Variants in UBE2Q2 observed in about 807,000 individuals in gnomAD.
UBE2Q2 encodes the protein ubiquitin-conjugating enzyme E2 Q2.
Under a neutral mutation model 59.9 loss-of-function variants are expected in UBE2Q2, and 54 were observed. The ratio of observed to expected loss-of-function variants is 0.90; its 90% CI spans 0.72 to 1.13. The LOEUF (loss-of-function observed/expected upper bound fraction) is 1.13, where lower values mean the gene tolerates loss of function less well. Among genes scored for constraint, UBE2Q2 ranks in the 50% most tolerant of loss-of-function variants. The pLI is 0.00. For synonymous variants in UBE2Q2, 165 were observed against 155.2 expected, an observed-to-expected ratio of 1.06 and a Z score of -0.47; for missense variants, 433 against 441.9, an observed-to-expected ratio of 0.98 and a Z score of 0.18.
Position 75,890,415 on chromosome 15 carries a change from ACTC to A in UBE2Q2, c.885-17_885-15del. On this transcript the variant is annotated splice_polypyrimidine_tract_variant and intron_variant, in intron 9 of 12. Coordinates refer to ENST00000267938, the MANE Select transcript of UBE2Q2 (RefSeq NM_173469.4). ...GAATAATTCTCGAGAATTTTGTATG[ACTC>A]CTTTTTTCTTTTTAAGGTATGTATT... The A allele has an allele frequency of 8.2e-6, 13 of 1,578,018 alleles. No individual in the cohort carries two copies. Among genetic ancestry groups the A allele is most frequent in the Non-Finnish European group, 1.1e-5 (13 of 1,169,088 alleles).
rs749315015 is a variant in UBE2Q2 at position 75,897,072 on chromosome 15, T to A, written c.1096+11T>A. The stretch of plus-strand genomic sequence containing the variant: ...TACATGAGAAAAATGGTATGTTTAA[T>A]TCAATAAGTGTTTATTGCCATTTAA... On this transcript the variant is annotated intron_variant, in intron 12 of 12. Transcript: ENST00000267938. 2.0e-6 allele frequency: 3 copies of A among 1,510,366 alleles called. No homozygotes were observed. The highest frequency in any genetic ancestry group is 2.7e-6 in the Non-Finnish European group (3 of 1,111,144). The allele number at this position is 1,510,366 out of a possible 1,614,324, so 93.6% of individuals were successfully genotyped here.
intron 1 of UBE2Q2, among the ~76,000 whole-genome samples, chr15:75,851,658 A>G (rs531269697): frequency 6.6e-6 from 1 of 152,158 alleles, no homozygotes; most frequent in African/African-American, 2.4e-5. Context: ...ATGACTGCCA[A>G]AAACCCAAGT....
At chr15:75,877,428 G>A (rs1379196943) in intron 6 of UBE2Q2, among the ~76,000 whole-genome samples, 1 of 151,434 alleles carries the variant, frequency 6.6e-6, no homozygotes, top group Non-Finnish European at 1.5e-5. Flanking sequence ...TTTGAATACT[G>A]GTTTTATTTT....
chr15:75,872,559 TAG>T (rs767659128), intron 4 of UBE2Q2, among the ~76,000 whole-genome samples: 10 of 139,002 alleles, frequency 7.2e-5, no homozygotes, highest in Non-Finnish European at 1.4e-4. Flanking sequence ...TTTTTTGAGA[TAG>T]AGTCTTGCTC....
chr15:75,886,825 T>C (rs920459282), intron 9 of UBE2Q2, among the ~76,000 whole-genome samples: 3 of 151,738 alleles, frequency 2.0e-5, no homozygotes, highest in African/African-American at 4.8e-5. Flanking sequence ...AGGTGGAGGT[T>C]GCAGTCCAGC....
chr15:75,864,607 T>TAAA (rs34148087), intron 3 of UBE2Q2, among the ~76,000 whole-genome samples: 71 of 134,666 alleles, frequency 5.3e-4, no homozygotes, highest in African/African-American at 1.9e-3. Flanking sequence ...CTGTAGATTC[T>TAAA]AAAAAAAAAA....
chr15:75,878,862 T>C (rs1394123), intron 7 of UBE2Q2, among the ~76,000 whole-genome samples: 149,672 of 152,098 alleles, frequency 0.98, 73,683 homozygotes, highest in East Asian at 1. Context: ...TCTGAACTCC[T>C]TTACTAGATT....
rs1172508415 is a variant in UBE2Q2 at position 75,900,356 on chromosome 15, T to A, written c.*898T>A. On this transcript the variant is annotated 3_prime_UTR_variant, in exon 13 of 13. Transcript: ENST00000267938. ...ACAAAAAGATACTTAATTTGGAGACTCTTACAGTAATTTTTGCCATGTCAA... is the reference window on the plus strand; with the variant it reads ...ACAAAAAGATACTTAATTTGGAGACACTTACAGTAATTTTTGCCATGTCAA... 1 of 152,612 alleles carries A rather than the reference T, an allele frequency of 6.6e-6. No homozygotes were observed. Among genetic ancestry groups the A allele is most frequent in the African/African-American group, 2.4e-5 (1 of 41,458 alleles). The allele number at this position is 152,612 out of a possible 1,614,324, so 9.5% of individuals were successfully genotyped here. A position where few individuals can be genotyped will look rare whatever the true frequency, so the allele number is the denominator to read the frequency against.
chr15:75,881,234 C>T (rs1798849404), intron 8 of UBE2Q2, among the ~76,000 whole-genome samples: 1 of 151,494 alleles, frequency 6.6e-6, no homozygotes, highest in African/African-American at 2.4e-5. Context: ...AGAAATAGAA[C>T]CTTTTTTTTT....
At chr15:75,872,201 C>T (rs535602887) in intron 4 of UBE2Q2, among the ~76,000 whole-genome samples, 8 of 151,716 alleles carry the variant, frequency 5.3e-5, no homozygotes, top group East Asian at 1.9e-4. Flanking sequence ...GTACTCCAGC[C>T]GGGGCAACGG....
intron 2 of UBE2Q2, among the ~76,000 whole-genome samples, chr15:75,857,542 T>C (rs1314623616): frequency 6.6e-6 from 1 of 152,192 alleles, no homozygotes; most frequent in African/African-American, 2.4e-5. Flanking sequence ...TATTATAATC[T>C]GGATTCTGCC....
Position 75,873,468 on chromosome 15 carries a change from A to C in UBE2Q2, c.488A>C (p.Glu163Ala), listed in dbSNP as rs752959737. 1 of 1,613,466 alleles carries C rather than the reference A, an allele frequency of 6.2e-7. No individual in the cohort carries two copies. Among genetic ancestry groups the C allele is most frequent in the Admixed American group, 1.7e-5 (1 of 59,982 alleles). Residue 163 changes from glutamate to alanine, a missense_variant, in exon 5 of 13, where the codon GAG becomes GCG. Coordinates refer to ENST00000267938, the MANE Select transcript of UBE2Q2 (RefSeq NM_173469.4). ...DLDHYEMKEE[E>A]PISGKKSEDE... Reference sequence around the variant, plus strand: ...GATCACTATGAGATGAAGGAAGAAGAGCCTATTAGTGGGAAAAAGTCAGAG... The same window carrying C: ...GATCACTATGAGATGAAGGAAGAAGCGCCTATTAGTGGGAAAAAGTCAGAG...
At chr15:75,860,982 C>G (rs1273172533) in intron 3 of UBE2Q2, among the ~76,000 whole-genome samples, 2 of 152,332 alleles carry the variant, frequency 1.3e-5, no homozygotes, top group South Asian at 2.1e-4. Context: ...TGGAGCCAGA[C>G]CGTGATAGGT....
chr15:75,876,073 A>G, intron 5 of UBE2Q2, 114 bp from the exon 6 acceptor site: 1 of 1,095,676 alleles, frequency 9.1e-7, no homozygotes, highest in African/African-American at 1.6e-5. Flanking sequence ...TCCAAAAAAA[A>G]AAAAAAAAAA....
chr15:75,868,837 G>A (rs923541036), intron 3 of UBE2Q2, 114 bp from the exon 4 acceptor site: 2 of 785,026 alleles, frequency 2.5e-6, no homozygotes, highest in Non-Finnish European at 4.3e-6. Flanking sequence ...TAAACTGTCT[G>A]GTAGTGGGAC....
chr15:75,850,937 C>G (rs1043178500), intron 1 of UBE2Q2, among the ~76,000 whole-genome samples: 1 of 152,044 alleles, frequency 6.6e-6, no homozygotes, highest in Non-Finnish European at 1.5e-5. Context: ...ATTTTCTAAG[C>G]CAAAAAATAG....
At chr15:75,872,541 T>C (rs1215478634) in intron 4 of UBE2Q2, among the ~76,000 whole-genome samples, 1 of 146,352 alleles carries the variant, frequency 6.8e-6, no homozygotes, top group Non-Finnish European at 1.5e-5. Context: ...TCCTTTTTTT[T>C]TTTTTTTTTT....
intron 1 of UBE2Q2, 57 bp downstream of exon 1, chr15:75,843,903 C>G: frequency 6.7e-7 from 1 of 1,486,572 alleles, no homozygotes; most frequent in Non-Finnish European, 8.9e-7. Flanking sequence ...GGGGGCGCTT[C>G]GAGTCCCGGG....
chr15:75,858,233 C>A (rs1392365023), intron 2 of UBE2Q2, among the ~76,000 whole-genome samples: 2 of 152,196 alleles, frequency 1.3e-5, no homozygotes, highest in Non-Finnish European at 2.9e-5. Flanking sequence ...TCCAGAGTTT[C>A]AAACCCATAT....
Sources: gnomAD v4.1 joint callset for allele counts (sites outside exome capture counted in the v4.1 genomes callset) on GRCh38, gnomAD v4.1.1 for gene constraint, MANE v1.5 for transcripts, NCBI Gene and HGNC (gene_info 2026-07-23, HGNC 2026-07-21) for gene names.